SEC14L1: variants seen among roughly 807,000 people sequenced by gnomAD.
SEC14L1 encodes the protein SEC14-like protein 1.
In SEC14L1, 48 loss-of-function variants were observed where a neutral mutation model predicts 85.3. The ratio of observed to expected loss-of-function variants is 0.56; its 90% CI spans 0.45 to 0.72. The LOEUF (loss-of-function observed/expected upper bound fraction) is 0.72, where lower values mean the gene tolerates loss of function less well. SEC14L1 is among the 30% of genes least tolerant of loss of function. The pLI is 0.00. For synonymous variants in SEC14L1, 391 were observed against 355.5 expected (o/e 1.10, Z -1.12); for missense variants, 682 against 921.4 (o/e 0.74, Z 3.36).
Position 77,209,455 on chromosome 17 carries a change from C to T in SEC14L1, c.1590C>T (p.Val530=). ...AGACCATCTACCAGTCTGCAAGCGT[C>T]TTCAAAGGAGCCCCACATGAGGTAC... ...WTETIYQSAS[V]FKGAPHEILI... is the part of the protein sequence containing the mutation. Residue 530 remains valine (V), a synonymous_variant, in exon 14 of 17, where the codon GTC becomes GTT. Coordinates refer to ENST00000436233, the MANE Select transcript of SEC14L1 (RefSeq NM_001143998.2). 1.2e-6 allele frequency: 2 copies of T among 1,614,174 alleles called. No homozygotes were observed. The highest frequency in any genetic ancestry group is 1.7e-6 in the Non-Finnish European group (2 of 1,180,032).
chr17:77,215,502 T>C lies in SEC14L1; in HGVS notation c.*1479T>C. 1.0e-6 allele frequency: 1 copy of C among 985,886 alleles called. No homozygotes were observed. Among genetic ancestry groups the C allele is most frequent in the Non-Finnish European group, 1.2e-6 (1 of 830,234 alleles). The allele number at this position is 985,886 out of a possible 1,614,324, so 61.1% of individuals were successfully genotyped here. On this transcript the variant is annotated 3_prime_UTR_variant, in exon 17 of 17. Coordinates refer to ENST00000436233, the MANE Select transcript of SEC14L1 (RefSeq NM_001143998.2). ...GGTGCTGCGTGACTGGAGAGCTGTG[T>C]GGAGGCCATGTGTGCCCCGTGCAGG...
At chr17:77,125,512 G>C (rs948563952) in intron 3 of SEC14L1, among the ~76,000 whole-genome samples, 14 of 151,826 alleles carry the variant, frequency 9.2e-5, no homozygotes, top group Admixed American at 4.6e-4. Context: ...ACAATAAACG[G>C]ATAGAGGAAT....
chr17:77,216,478 G>A lies in SEC14L1; in HGVS notation c.*2455G>A, dbSNP rs1337251562. 9.3e-6 allele frequency: 15 copies of A among 1,612,396 alleles called. No homozygotes were observed. The highest frequency in any genetic ancestry group is 1.3e-5 in the Non-Finnish European group (15 of 1,178,934). On this transcript the variant is annotated 3_prime_UTR_variant, in exon 17 of 17. Coordinates refer to ENST00000436233, the MANE Select transcript of SEC14L1 (RefSeq NM_001143998.2). ...CGCGTCTGTGCTGCTTCCACCTGGT[G>A]CTTCCTGTTCCCAAATCACAAGGGC...
chr17:77,207,272 C>T (rs1418326473), intron 13 of SEC14L1, among the ~76,000 whole-genome samples: 3 of 139,796 alleles, frequency 2.1e-5, no homozygotes, highest in Non-Finnish European at 3.1e-5. Flanking sequence ...CCGGCTCTGT[C>T]ACCCAGGCTG....
intron 3 of SEC14L1, among the ~76,000 whole-genome samples, chr17:77,182,548 A>C (rs1463196898): frequency 6.6e-6 from 1 of 152,236 alleles, no homozygotes; most frequent in African/African-American, 2.4e-5. Context: ...TTTGTCTTAC[A>C]GAAATAATTT....
Position 77,090,566 on chromosome 17 carries a change from C to T in SEC14L1, c.-240+1295C>T, listed in dbSNP as rs149316543. ...AAGGCTTTTCTGAGGATGAAACCCTCGAGCTAGAATCTGAAGGATGGGTAA... is the reference window on the plus strand; with the variant it reads ...AAGGCTTTTCTGAGGATGAAACCCTTGAGCTAGAATCTGAAGGATGGGTAA... On this transcript the variant is annotated intron_variant, in intron 2 of 19. Coordinates refer to the SEC14L1 transcript ENST00000392476. Among the ~76,000 whole-genome samples the T allele has an allele frequency of 9.9e-3, 1,496 of 150,756 alleles. 27 individuals carry two copies. The highest frequency in any genetic ancestry group is 0.034 in the African/African-American group (1,380 of 40,996).
At position 77,155,956 on chromosome 17, in the gene SEC14L1, G is replaced by A. The variant is rs796318214; in HGVS notation, c.63+12297G>A. On this transcript the variant is annotated intron_variant, in intron 3 of 16. Coordinates refer to ENST00000436233, the MANE Select transcript of SEC14L1 (RefSeq NM_001143998.2). ...ATCCTTTGTCATTGGCCTTCTGCCT[G>A]TCCTGCAGCCTCCTCTCCATGGCGA... Among the ~76,000 whole-genome samples the A allele has an allele frequency of 1.4e-4, 22 of 152,262 alleles. 1 individual carries two copies. Among genetic ancestry groups the A allele is most frequent in the African/African-American group, 5.3e-4 (22 of 41,546 alleles).
chr17:77,172,318 T>G (rs919028058), intron 3 of SEC14L1, among the ~76,000 whole-genome samples: 1 of 152,172 alleles, frequency 6.6e-6, no homozygotes, highest in Non-Finnish European at 1.5e-5. Context: ...TTCTTTCTCT[T>G]TTTCCCATCT....
At chr17:77,205,013 T>C (rs1247066682) in intron 10 of SEC14L1, among the ~76,000 whole-genome samples, 1 of 152,192 alleles carries the variant, frequency 6.6e-6, no homozygotes, top group East Asian at 1.9e-4. Flanking sequence ...CCCCTGCTCA[T>C]CTGGGGATAC....
intron 13 of SEC14L1, among the ~76,000 whole-genome samples, chr17:77,207,154 C>T (rs569215631): frequency 3.3e-5 from 5 of 152,288 alleles, no homozygotes; most frequent in Admixed American, 1.3e-4. Context: ...GATCTTTAAA[C>T]AATTTTAGAG....
intron 3 of SEC14L1, among the ~76,000 whole-genome samples, chr17:77,128,849 C>T (rs562590932): frequency 6.6e-6 from 1 of 152,242 alleles, no homozygotes; most frequent in Admixed American, 6.5e-5. Flanking sequence ...TCTCCCCATG[C>T]ACCCCTAGCC....
At chr17:77,205,607 G>C (rs531116597) in intron 11 of SEC14L1, among the ~76,000 whole-genome samples, 1 of 152,112 alleles carries the variant, frequency 6.6e-6, no homozygotes. Flanking sequence ...GCTGCAGATC[G>C]TTTGCTTGTT....
At chr17:77,145,823 G>A (rs1368277590) in intron 3 of SEC14L1, among the ~76,000 whole-genome samples, 1 of 152,166 alleles carries the variant, frequency 6.6e-6, no homozygotes, top group African/African-American at 2.4e-5. Flanking sequence ...CTAGGATTTT[G>A]CCCTGTGGGA....
chr17:77,173,299 G>A (rs1446102067), intron 3 of SEC14L1, among the ~76,000 whole-genome samples: 1 of 151,998 alleles, frequency 6.6e-6, no homozygotes, highest in African/African-American at 2.4e-5. Flanking sequence ...AAGTCTTCCT[G>A]GGGGAGGGCC....
chr17:77,108,412 G>T (rs1971969325), intron 3 of SEC14L1, among the ~76,000 whole-genome samples: 1 of 152,122 alleles, frequency 6.6e-6, no homozygotes, highest in Non-Finnish European at 1.5e-5. Flanking sequence ...AACTGAAACA[G>T]AGGGCCAGAG....
intron 3 of SEC14L1, among the ~76,000 whole-genome samples, chr17:77,111,233 C>A (rs902885734): frequency 1.3e-5 from 2 of 149,744 alleles, no homozygotes; most frequent in Non-Finnish European, 3.0e-5. Context: ...TCCAGAAAGG[C>A]GGGACAACTC....
intron 2 of SEC14L1, chr17:77,089,604 A>G (rs965003271): frequency 1.3e-5 from 6 of 445,416 alleles, no homozygotes; most frequent in African/African-American, 8.2e-5. Context: ...TTGTTGATAC[A>G]TTGGCCTGAC....
intron 3 of SEC14L1, chr17:77,095,006 G>T (rs963529668): frequency 1.3e-5 from 2 of 152,242 alleles, no homozygotes; most frequent in African/African-American, 4.8e-5. Flanking sequence ...TCGTTCTCCT[G>T]TGTGGTGTCT....
At chr17:77,211,814 C>T in intron 14 of SEC14L1, 136 bp from the exon 15 acceptor site, 1 of 1,078,674 alleles carries the variant, frequency 9.3e-7, no homozygotes, top group East Asian at 2.4e-5. Context: ...GGAAAGAGAT[C>T]CGTCCATACG....
Sources: allele counts gnomAD v4.1 joint callset (sites outside exome capture counted in the v4.1 genomes callset), GRCh38; gene constraint gnomAD v4.1.1; transcripts MANE v1.5; gene names NCBI Gene and HGNC (gene_info 2026-07-23, HGNC 2026-07-21).